CCBE1: variants seen among roughly 807,000 people sequenced by gnomAD.
CCBE1 encodes the protein collagen and calcium-binding EGF domain-containing protein 1.
CCBE1 carries 37 observed loss-of-function variants against 50.0 expected under a neutral mutation model. That is an observed-to-expected ratio of 0.74 (90% CI 0.57 to 0.97). The LOEUF is 0.97. Among genes scored for constraint, CCBE1 ranks in the 50% least tolerant of loss-of-function variants. The pLI is 0.00. For synonymous variants in CCBE1, 234 were observed against 203.7 expected, an observed-to-expected ratio of 1.15 and a Z score of -1.27; for missense variants, 538 against 523.8, an observed-to-expected ratio of 1.03 and a Z score of -0.26.
At chr18:59,577,650 C>T (rs373603699) in intron 2 of CCBE1, among the ~76,000 whole-genome samples, 1 of 152,180 alleles carries the variant, frequency 6.6e-6, no homozygotes, top group South Asian at 2.1e-4. Flanking sequence ...TGTACATAGG[C>T]ACACACCCCA....
intron 2 of CCBE1, among the ~76,000 whole-genome samples, chr18:59,678,631 C>T (rs941877133): frequency 1.3e-5 from 2 of 152,150 alleles, no homozygotes; most frequent in Non-Finnish European, 2.9e-5. Context: ...CTCCCAGGTT[C>T]AAGCGATTCT....
At chr18:59,570,204 T>C (rs1568211879) in intron 2 of CCBE1, among the ~76,000 whole-genome samples, 1 of 152,258 alleles carries the variant, frequency 6.6e-6, no homozygotes, top group South Asian at 2.1e-4. Flanking sequence ...CACTCTGATA[T>C]GAATAATTAA....
At chr18:59,682,055 G>A (rs1289114168) in intron 2 of CCBE1, among the ~76,000 whole-genome samples, 1 of 152,166 alleles carries the variant, frequency 6.6e-6, no homozygotes. Flanking sequence ...TAGGGAGAGG[G>A]TAGGTCATTA....
intron 2 of CCBE1, among the ~76,000 whole-genome samples, chr18:59,613,794 A>G (rs1241443758): frequency 6.7e-6 from 1 of 149,578 alleles, no homozygotes; most frequent in African/African-American, 2.5e-5. Context: ...TCACAATCCC[A>G]CACTTGTAAC....
At chr18:59,601,163 C>T (rs775065535) in intron 2 of CCBE1, among the ~76,000 whole-genome samples, 14 of 151,768 alleles carry the variant, frequency 9.2e-5, no homozygotes, top group African/African-American at 3.4e-4. Context: ...TCTTGAGTAG[C>T]TGGGACTAGA....
intron 2 of CCBE1, among the ~76,000 whole-genome samples, chr18:59,670,901 T>G (rs190412154): frequency 7.0e-4 from 106 of 152,222 alleles, no homozygotes; most frequent in African/African-American, 2.5e-3. Flanking sequence ...TGAGCCTAGA[T>G]CACACCGCTG....
intron 2 of CCBE1, among the ~76,000 whole-genome samples, chr18:59,496,797 C>T (rs953668409): frequency 6.6e-6 from 1 of 152,184 alleles, no homozygotes; most frequent in Non-Finnish European, 1.5e-5. Context: ...TGTATCCCTG[C>T]TGAGTGGTCA....
chr18:59,654,501 G>A (rs1399244759), intron 2 of CCBE1, among the ~76,000 whole-genome samples: 1 of 152,134 alleles, frequency 6.6e-6, no homozygotes, highest in Non-Finnish European at 1.5e-5. Flanking sequence ...GCACACACCT[G>A]TAATTCCAGC....
At chr18:59,670,003 A>G (rs2054410389) in intron 2 of CCBE1, among the ~76,000 whole-genome samples, 1 of 152,162 alleles carries the variant, frequency 6.6e-6, no homozygotes, top group Non-Finnish European at 1.5e-5. Flanking sequence ...GACTTAAGAT[A>G]GATGTTTTTC....
chr18:59,502,139 G>A (rs1913651987), intron 2 of CCBE1, among the ~76,000 whole-genome samples: 1 of 152,172 alleles, frequency 6.6e-6, no homozygotes, highest in Admixed American at 6.5e-5. Context: ...AAGATTGAGA[G>A]CATTGGCTGT....
intron 2 of CCBE1, among the ~76,000 whole-genome samples, chr18:59,679,647 AATG>A (rs111471410): frequency 0.059 from 8,954 of 152,258 alleles, 356 homozygotes; most frequent in African/African-American, 0.1. Context: ...TGAATCTTTT[AATG>A]ATGATAATGC....
chr18:59,596,635 C>A (rs1267505575), intron 2 of CCBE1, among the ~76,000 whole-genome samples: 1 of 152,194 alleles, frequency 6.6e-6, no homozygotes, highest in Non-Finnish European at 1.5e-5. Flanking sequence ...CAGGTTCTCA[C>A]AATTGATAGC....
intron 2 of CCBE1, among the ~76,000 whole-genome samples, chr18:59,520,106 T>C (rs1480368019): frequency 2.0e-5 from 3 of 152,214 alleles, no homozygotes; most frequent in Admixed American, 1.3e-4. Context: ...TCAGGCAGCA[T>C]GATGCCTCCA....
intron 2 of CCBE1, among the ~76,000 whole-genome samples, chr18:59,613,256 A>G (rs2053596199): frequency 6.6e-6 from 1 of 152,162 alleles, no homozygotes; most frequent in South Asian, 2.1e-4. Context: ...TCATTTTGCC[A>G]CCAGTTAAGC....
Position 59,676,018 on chromosome 18 carries a change from A to G in CCBE1, c.212+20611T>C, listed in dbSNP as rs1310014372. 2.6e-5 allele frequency among the ~76,000 whole-genome samples: 4 copies of G among 152,226 alleles called. No individual in the cohort carries two copies. In the South Asian group the frequency reaches 6.2e-4, roughly 24 times the overall value. On this transcript the variant is annotated intron_variant, in intron 2 of 10. Coordinates refer to ENST00000439986, the MANE Select transcript of CCBE1 (RefSeq NM_133459.4). Reference sequence around the variant, plus strand: ...TCATAGGCCATCTCCAGAAGCAAACAGTGGCAAAAACAGCAAGAACTATAA... The same window carrying G: ...TCATAGGCCATCTCCAGAAGCAAACGGTGGCAAAAACAGCAAGAACTATAA...
intron 2 of CCBE1, among the ~76,000 whole-genome samples, chr18:59,516,696 T>G (rs1914388783): frequency 6.6e-6 from 1 of 152,198 alleles, no homozygotes; most frequent in Non-Finnish European, 1.5e-5. Flanking sequence ...AGTTTCTATT[T>G]AATTGGTTTT....
chr18:59,666,050 AAAAG>A (rs1189085291), intron 2 of CCBE1: 1 of 152,460 alleles, frequency 6.6e-6, no homozygotes, highest in Non-Finnish European at 1.5e-5. Context: ...GGCGATTTAC[AAAAG>A]AAAGAGGTTT....
At chr18:59,631,268 T>A (rs1036547218) in intron 2 of CCBE1, among the ~76,000 whole-genome samples, 15 of 152,000 alleles carry the variant, frequency 9.9e-5, no homozygotes, top group Admixed American at 3.9e-4. Context: ...AGTAATTTCA[T>A]AAGCAGAACC....
chr18:59,481,356 A>T (rs1912562262), intron 2 of CCBE1, among the ~76,000 whole-genome samples: 1 of 152,166 alleles, frequency 6.6e-6, no homozygotes, highest in African/African-American at 2.4e-5. Flanking sequence ...AAGGTCTGGT[A>T]CTTGGAGTTG....
Sources: gnomAD v4.1 joint callset for allele counts (sites outside exome capture counted in the v4.1 genomes callset) on GRCh38, gnomAD v4.1.1 for gene constraint, MANE v1.5 for transcripts, NCBI Gene and HGNC (gene_info 2026-07-23, HGNC 2026-07-21) for gene names.